The following DPH6 variants were observed in gnomAD, a reference collection of about 807,000 sequenced individuals.
DPH6 encodes diphthamine biosynthesis 6, also known as diphthine--ammonia ligase.
In DPH6, 33 loss-of-function variants were observed where a neutral mutation model predicts 38.2. The ratio of observed to expected loss-of-function variants is 0.86; its 90% confidence interval spans 0.65 to 1.15. The LOEUF (loss-of-function observed/expected upper bound fraction) is 1.15. DPH6 is among the 50% of genes most tolerant of loss of function. DPH6 has a pLI of 0.00. For synonymous variants in DPH6, 108 were observed against 103.0 expected (o/e 1.05, Z -0.30); for missense variants, 325 against 320.0 (o/e 1.02, Z -0.12).
In DPH6 at chr15:35,359,897, T is replaced by C. The variant is rs201641717; in HGVS notation, n.207+13624A>G. ...ATTTTTTTCAAAATTAAACTTCCCA[T>C]TTTATTCATGTATTGTCTTCCTGGC... On this transcript the variant is annotated intron_variant and non_coding_transcript_variant, in intron 3 of 3. Transcript: ENST00000558973. Among the ~76,000 whole-genome samples the C allele has an allele frequency of 3.6e-4, 55 of 152,266 alleles. 1 individual carries two copies. The East Asian group carries it at 7.7e-3, about 21-fold the overall frequency.
chr15:35,344,667 G>A (rs2052447619), intron 3 of DPH6, among the ~76,000 whole-genome samples: 1 of 151,460 alleles, frequency 6.6e-6, no homozygotes, highest in Non-Finnish European at 1.5e-5. Flanking sequence ...TGTGGACCAC[G>A]GTTTAAATTA....
At chr15:35,452,524 A>C (rs1005717643) in intron 4 of DPH6, among the ~76,000 whole-genome samples, 1 of 151,966 alleles carries the variant, frequency 6.6e-6, no homozygotes, top group Non-Finnish European at 1.5e-5. Context: ...AGATCCCAAT[A>C]CTTATTAAAT....
At chr15:35,513,821 A>C (rs2054808978) in intron 3 of DPH6, among the ~76,000 whole-genome samples, 2 of 151,950 alleles carry the variant, frequency 1.3e-5, no homozygotes, top group South Asian at 4.2e-4. Context: ...ATAACACTCG[A>C]ATATATATAT....
chr15:35,535,575 C>T (rs2055156744), intron 3 of DPH6, among the ~76,000 whole-genome samples: 1 of 152,098 alleles, frequency 6.6e-6, no homozygotes, highest in African/African-American at 2.4e-5. Flanking sequence ...AACTATTACA[C>T]TGCTCACGTG....
chr15:35,405,968 C>T (rs947027499), intron 6 of DPH6, among the ~76,000 whole-genome samples: 3 of 151,906 alleles, frequency 2.0e-5, no homozygotes, highest in Admixed American at 2.0e-4. Context: ...CTTGGTGTCA[C>T]TGGAAGACTT....
intron 5 of DPH6, among the ~76,000 whole-genome samples, chr15:35,436,247 AC>A (rs1235329220): frequency 2.6e-5 from 4 of 151,768 alleles, no homozygotes; most frequent in Non-Finnish European, 5.9e-5. Flanking sequence ...CAGGCGGATC[AC>A]GAGGTCAGGA....
chr15:35,424,076 T>A (rs1242310403), intron 5 of DPH6, among the ~76,000 whole-genome samples: 1 of 69,804 alleles, frequency 1.4e-5, no homozygotes. Context: ...ATTTTGGGAT[T>A]TTTTTTTCTA....
At chr15:35,473,737 T>C (rs1222651572) in intron 3 of DPH6, among the ~76,000 whole-genome samples, 3 of 152,158 alleles carry the variant, frequency 2.0e-5, no homozygotes, top group Non-Finnish European at 2.9e-5. Flanking sequence ...TTCATGGTAA[T>C]AGCAAAAGAT....
intron 5 of DPH6, among the ~76,000 whole-genome samples, chr15:35,430,839 T>C (rs778772805): frequency 1.3e-5 from 2 of 152,182 alleles, no homozygotes; most frequent in East Asian, 1.9e-4. Context: ...AGCTGTATCT[T>C]ATCTGAAATA....
chr15:35,238,704 A>C (rs561518468), intron 3 of DPH6, among the ~76,000 whole-genome samples: 113 of 152,340 alleles, frequency 7.4e-4, no homozygotes, highest in African/African-American at 2.6e-3. Flanking sequence ...GGCCTGAAGT[A>C]ACTGAAGAAT....
At chr15:35,206,713 TG>T in the DPH6 span, among the ~76,000 whole-genome samples, 6 of 152,226 alleles carry the variant, frequency 3.9e-5, no homozygotes, top group Non-Finnish European at 8.8e-5. Context: ...TATGATTAAA[TG>T]GATACATGGT....
intron 4 of DPH6, among the ~76,000 whole-genome samples, chr15:35,453,612 C>G (rs1233670520): frequency 6.6e-6 from 1 of 152,028 alleles, no homozygotes; most frequent in Non-Finnish European, 1.5e-5. Context: ...TACACATGAC[C>G]TCCTTCCCCA....
chr15:35,458,920 T>A (rs1190582435), intron 3 of DPH6, among the ~76,000 whole-genome samples: 1 of 152,174 alleles, frequency 6.6e-6, no homozygotes, highest in Non-Finnish European at 1.5e-5. Context: ...CCCGTGCCCC[T>A]TGCAGCCCAA....
downstream of DPH6, among the ~76,000 whole-genome samples, chr15:35,367,789 T>C (rs1381578885): frequency 6.6e-6 from 1 of 151,820 alleles, no homozygotes; most frequent in African/African-American, 2.4e-5. Flanking sequence ...AATCAAAATT[T>C]ACACTAACAA....
the DPH6 span, among the ~76,000 whole-genome samples, chr15:35,148,960 G>A: frequency 6.6e-6 from 1 of 152,082 alleles, no homozygotes; most frequent in Non-Finnish European, 1.5e-5. Context: ...TTTGCTGAAT[G>A]TCCCCCTGGT....
intron 7 of DPH6, among the ~76,000 whole-genome samples, chr15:35,379,798 A>G (rs1220160079): frequency 6.6e-6 from 1 of 152,220 alleles, no homozygotes; most frequent in South Asian, 2.1e-4. Context: ...ATAAACAACA[A>G]CAAATTACAA....
At chr15:35,483,883 C>T (rs763250700) in intron 3 of DPH6, among the ~76,000 whole-genome samples, 11 of 152,108 alleles carry the variant, frequency 7.2e-5, no homozygotes, top group East Asian at 1.9e-4. Flanking sequence ...ATGTGTACAA[C>T]GTGAATGAAC....
chr15:35,258,180 G>T (rs537484187), intron 3 of DPH6, among the ~76,000 whole-genome samples: 1 of 152,274 alleles, frequency 6.6e-6, no homozygotes, highest in East Asian at 1.9e-4. Flanking sequence ...TTAATGAAAA[G>T]ATTGTCTTTT....
intron 2 of DPH6, among the ~76,000 whole-genome samples, chr15:35,539,337 A>G (rs2055217960): frequency 6.6e-6 from 1 of 152,124 alleles, no homozygotes; most frequent in Non-Finnish European, 1.5e-5. Context: ...CATTAATATA[A>G]TGTTGAAGAA....
Sources: allele counts gnomAD v4.1 joint callset (sites outside exome capture counted in the v4.1 genomes callset), GRCh38; gene constraint gnomAD v4.1.1; transcripts MANE v1.5; gene names NCBI Gene and HGNC (gene_info 2026-07-23, HGNC 2026-07-21).